The following FHOD3 variants were observed in gnomAD, a reference collection of about 807,000 sequenced individuals.
FHOD3 encodes the protein FH1/FH2 domain-containing protein 3.
A neutral mutation model predicts 173.0 loss-of-function variants in FHOD3; 90 were observed. The observed-to-expected ratio is 0.52, with a 90% CI of 0.44 to 0.62. The LOEUF is 0.62. Ranked by LOEUF, FHOD3 falls within the 20% of genes least tolerant of loss-of-function variation. The pLI is 0.00. For synonymous variants in FHOD3, 828 were observed against 823.0 expected (o/e 1.01, Z -0.10); for missense variants, 1,945 against 2,034.7 (o/e 0.96, Z 0.85).
intron 7 of FHOD3, among the ~76,000 whole-genome samples, chr18:36,601,165 G>A (rs1346072574): frequency 6.6e-6 from 1 of 152,176 alleles, no homozygotes; most frequent in Non-Finnish European, 1.5e-5. Context: ...GTAGTCAGCA[G>A]GTGAAAGGAG....
intron 24 of FHOD3, among the ~76,000 whole-genome samples, chr18:36,751,602 G>A (rs903868537): frequency 6.6e-6 from 1 of 152,138 alleles, no homozygotes; most frequent in Non-Finnish European, 1.5e-5. Flanking sequence ...GATATTGGCT[G>A]TGGATTTGTC....
intron 5 of FHOD3, among the ~76,000 whole-genome samples, chr18:36,516,998 T>A (rs2056022820): frequency 6.6e-6 from 1 of 152,102 alleles, no homozygotes; most frequent in South Asian, 2.1e-4. Context: ...CATTTTTTTT[T>A]TTTAAGGCCC....
intron 6 of FHOD3, among the ~76,000 whole-genome samples, chr18:36,581,946 A>G (rs2058868191): frequency 6.6e-6 from 1 of 152,182 alleles, no homozygotes; most frequent in Non-Finnish European, 1.5e-5. Context: ...AGCAGTGGAA[A>G]CAGAATAATG....
chr18:36,566,378 G>A (rs1030285826), intron 5 of FHOD3, among the ~76,000 whole-genome samples: 1 of 152,150 alleles, frequency 6.6e-6, no homozygotes, highest in Non-Finnish European at 1.5e-5. Flanking sequence ...TTATATGTAA[G>A]GACTTCTGTT....
At chr18:36,763,949 T>C (rs1425796535) in intron 27 of FHOD3, among the ~76,000 whole-genome samples, 1 of 152,168 alleles carries the variant, frequency 6.6e-6, no homozygotes, top group East Asian at 1.9e-4. Flanking sequence ...GTAATTTCCA[T>C]AGATAGTTTT....
At chr18:36,601,901 C>G (rs1406652938) in intron 7 of FHOD3, among the ~76,000 whole-genome samples, 3 of 152,102 alleles carry the variant, frequency 2.0e-5, no homozygotes, top group African/African-American at 4.8e-5. Flanking sequence ...ATCTCCTGTC[C>G]CTCCTAGATC....
At chr18:36,417,528 G>A (rs965298670) in intron 3 of FHOD3, among the ~76,000 whole-genome samples, 22 of 152,172 alleles carry the variant, frequency 1.4e-4, no homozygotes, top group African/African-American at 2.2e-4. Flanking sequence ...TGCAATGAAC[G>A]TGTGCATGTG....
chr18:36,661,857 G>GCTCTTTGT (rs2036831762), intron 14 of FHOD3, among the ~76,000 whole-genome samples: 1 of 152,150 alleles, frequency 6.6e-6, no homozygotes, highest in Non-Finnish European at 1.5e-5. Context: ...TAGAAATAGA[G>GCTCTTTGT]TAATATTTTC....
intron 23 of FHOD3, among the ~76,000 whole-genome samples, chr18:36,744,554 T>G (rs2042059110): frequency 6.6e-6 from 1 of 152,164 alleles, no homozygotes; most frequent in East Asian, 1.9e-4. Context: ...AAGATGCAAT[T>G]TGGCTCTTCC....
chr18:36,568,571 A>G (rs1389493684), intron 5 of FHOD3, among the ~76,000 whole-genome samples: 2 of 150,752 alleles, frequency 1.3e-5, no homozygotes, highest in Admixed American at 6.6e-5. Flanking sequence ...AACAAGATAG[A>G]TACTGCCCAG....
At chr18:36,602,891 G>A (rs2031579219) in intron 8 of FHOD3, 123 bp downstream of exon 8, 2 of 739,200 alleles carry the variant, frequency 2.7e-6, no homozygotes, top group Non-Finnish European at 4.7e-6. Flanking sequence ...TAATCTGGTT[G>A]TGAGGGTGGG....
At chr18:36,603,277 A>G (rs2031640317) in intron 8 of FHOD3, among the ~76,000 whole-genome samples, 2 of 152,186 alleles carry the variant, frequency 1.3e-5, no homozygotes, top group South Asian at 4.2e-4. Context: ...CCATGTGTAC[A>G]CCCATCACAG....
intron 18 of FHOD3, among the ~76,000 whole-genome samples, chr18:36,716,910 G>GCGTA (rs2040483187): frequency 7.0e-6 from 1 of 143,544 alleles, no homozygotes; most frequent in Admixed American, 7.0e-5. Context: ...AATTATATAT[G>GCGTA]TGTATGTGTG....
At chr18:36,395,790 T>A (rs1380712157) in intron 3 of FHOD3, among the ~76,000 whole-genome samples, 1 of 152,248 alleles carries the variant, frequency 6.6e-6, no homozygotes, top group African/African-American at 2.4e-5. Context: ...ATATGTTGTA[T>A]GTACATTAGC....
intron 5 of FHOD3, among the ~76,000 whole-genome samples, chr18:36,546,604 G>A (rs934208061): frequency 7.2e-5 from 11 of 152,144 alleles, no homozygotes; most frequent in African/African-American, 1.7e-4. Context: ...AGGGTGTCAG[G>A]CTGGAATGGT....
At chr18:36,574,771 A>G (rs779671454) in intron 5 of FHOD3, among the ~76,000 whole-genome samples, 1 of 152,156 alleles carries the variant, frequency 6.6e-6, no homozygotes, top group Non-Finnish European at 1.5e-5. Flanking sequence ...TTTAATGAGC[A>G]TCATTTAAAA....
intron 5 of FHOD3, among the ~76,000 whole-genome samples, chr18:36,570,283 A>G (rs1306716344): frequency 2.6e-5 from 4 of 152,116 alleles, no homozygotes; most frequent in African/African-American, 7.2e-5. Context: ...ATTAGATGAA[A>G]TGGATCAATT....
intron 5 of FHOD3, among the ~76,000 whole-genome samples, chr18:36,516,033 G>A (rs956076827): frequency 3.9e-5 from 6 of 152,184 alleles, no homozygotes; most frequent in African/African-American, 9.7e-5. Context: ...TGACATTTGC[G>A]TTTTCCTGCA....
At chr18:36,327,744 A>T (rs2044747694) in intron 1 of FHOD3, among the ~76,000 whole-genome samples, 1 of 152,162 alleles carries the variant, frequency 6.6e-6, no homozygotes, top group Non-Finnish European at 1.5e-5. Context: ...TTTGAAAAAT[A>T]CTTCTTTGTG....
Sources: allele counts gnomAD v4.1 joint callset (sites outside exome capture counted in the v4.1 genomes callset), GRCh38; gene constraint gnomAD v4.1.1; transcripts MANE v1.5; gene names NCBI Gene and HGNC (gene_info 2026-07-23, HGNC 2026-07-21).